Variants in KCNC4 observed in about 807,000 individuals in gnomAD.
KCNC4 encodes potassium voltage-gated channel subfamily C member 4.
KCNC4 carries 23 observed loss-of-function variants against 42.8 expected under a neutral mutation model. The ratio of observed to expected loss-of-function variants is 0.54; its 90% CI spans 0.39 to 0.76. KCNC4 has a LOEUF of 0.76. Among genes scored for constraint, KCNC4 ranks in the 30% least tolerant of loss-of-function variants. The pLI is 0.00. For missense variants in KCNC4, 751 were observed against 898.2 expected (o/e 0.84, Z 2.10); for synonymous variants, 422 against 393.5 (o/e 1.07, Z -0.86).
At chr1:110,271,590 G>T in intron 1 of KCNC4, among the ~76,000 whole-genome samples, 1 of 152,192 alleles carries the variant, frequency 6.6e-6, no homozygotes, top group South Asian at 2.1e-4. Context: ...TGTAGCCTCT[G>T]ATTACAGGGG....
intron 1 of KCNC4, among the ~76,000 whole-genome samples, chr1:110,278,604 G>A (rs747499086): frequency 4.6e-5 from 7 of 152,092 alleles, no homozygotes; most frequent in Non-Finnish European, 7.4e-5. Flanking sequence ...AAAAACCCAC[G>A]TGAACATGTA....
chr1:110,228,060 G>A (rs375883424), intron 3 of KCNC4, among the ~76,000 whole-genome samples: 27 of 152,298 alleles, frequency 1.8e-4, no homozygotes, highest in East Asian at 1.3e-3. Flanking sequence ...CTAAGCAAGC[G>A]TGGCAGTTAA....
At chr1:110,235,922 A>G (rs1292794078), downstream of KCNC4, 1 of 152,160 alleles carries the variant, frequency 6.6e-6, no homozygotes, top group Non-Finnish European at 1.5e-5. Flanking sequence ...TCATCTTTTA[A>G]ATGTAGTATC....
At position 110,222,984 on chromosome 1, in the gene KCNC4, C is replaced by G; in HGVS notation, c.699C>G (p.Leu233=). 1 of 1,613,724 alleles carries G rather than the reference C, an allele frequency of 6.2e-7. No individual in the cohort carries two copies. The highest frequency in any genetic ancestry group is 8.5e-7 in the Non-Finnish European group (1 of 1,179,638). The change falls in exon 2 of 4, where the codon CTC becomes CTG. Residue 233 remains leucine, a synonymous_variant. Transcript: ENST00000438661. ...RAARVVAFAS[L]FFILVSITTF... ...CATAGGTAGTGGCCTTTGCCTCTCTCTTCTTCATCCTGGTCTCCATCACCA... is the reference window on the plus strand; with the variant it reads ...CATAGGTAGTGGCCTTTGCCTCTCTGTTCTTCATCCTGGTCTCCATCACCA...
Position 110,211,533 on chromosome 1 carries a change from G to A in KCNC4, c.34G>A (p.Gly12Arg), listed in dbSNP as rs149102895. ...ISSVCVSSYRGRKSGNKPPSK... is the reference protein window; with the variant it reads ...ISSVCVSSYRRRKSGNKPPSK... ...CTCGGTGTGTGTCTCCTCCTACCGCGGGCGCAAGTCGGGGAACAAGCCTCC... is the reference window on the plus strand; with the variant it reads ...CTCGGTGTGTGTCTCCTCCTACCGCAGGCGCAAGTCGGGGAACAAGCCTCC... Residue 12 changes from glycine (G) to arginine (R), a missense_variant, in exon 1 of 4, where the codon GGG becomes AGG. Transcript: ENST00000438661. This position sits in a 1 kb window ranked among gnomAD's most constrained non-coding sequence, Gnocchi z 6.5. 25 of 1,613,894 alleles carry A rather than the reference G, an allele frequency of 1.5e-5. No homozygotes were observed. In the African/African-American group the frequency reaches 3.1e-4, roughly 20 times the overall value.
exon 4 of KCNC4, chr1:110,244,914 C>T (rs1353494451): frequency 2.0e-5 from 3 of 152,246 alleles, no homozygotes; most frequent in Non-Finnish European, 2.9e-5. Flanking sequence ...ATACTGCCCA[C>T]CTCAGCGGGT....
At chr1:110,260,286 T>C (rs934078146) in intron 1 of KCNC4, among the ~76,000 whole-genome samples, 1 of 152,204 alleles carries the variant, frequency 6.6e-6, no homozygotes, top group African/African-American at 2.4e-5. Context: ...TTGCAGATCT[T>C]GAAAATCCTT....
At chr1:110,247,488 G>C (rs1262442348) in exon 4 of KCNC4, 1 of 151,964 alleles carries the variant, frequency 6.6e-6, no homozygotes, top group Non-Finnish European at 1.5e-5. Context: ...GGGATTATAG[G>C]TGGGAGCCAC....
At chr1:110,225,803 C>T in intron 2 of KCNC4, 172 bp from the exon 3 acceptor site, 2 of 614,768 alleles carry the variant, frequency 3.3e-6, no homozygotes, top group East Asian at 5.5e-5. Flanking sequence ...AGTGTAGCAT[C>T]CCTGCCTTTT....
downstream of KCNC4, chr1:110,235,897 T>G (rs1658894089): frequency 6.6e-6 from 1 of 152,262 alleles, no homozygotes. Context: ...TCAGCCTCTG[T>G]GAACGTCTAT....
intron 1 of KCNC4, among the ~76,000 whole-genome samples, chr1:110,263,187 C>G (rs1442513651): frequency 6.6e-6 from 1 of 152,210 alleles, no homozygotes; most frequent in African/African-American, 2.4e-5. Context: ...TGGGGACAGC[C>G]AGCTATCCTG....
exon 4 of KCNC4, chr1:110,239,810 T>C (rs1457378663): frequency 6.6e-6 from 1 of 152,150 alleles, no homozygotes; most frequent in Non-Finnish European, 1.5e-5. Context: ...CCATAGCCCT[T>C]CCTCTCTCTT....
chr1:110,210,854 G>A lies in KCNC4; in HGVS notation c.-646G>A, dbSNP rs1232138195. ...CGGCCGCCGCTCTCTGCTCTGCCCC[G>A]CCTGCCTTCCTCGCCCGGCGCTGGA... On this transcript the variant is annotated 5_prime_UTR_variant, in exon 1 of 4. Transcript: ENST00000438661. Among the ~76,000 whole-genome samples, 1 of 152,110 alleles carries A rather than the reference G, an allele frequency of 6.6e-6. No individual in the cohort carries two copies. The highest frequency in any genetic ancestry group is 1.9e-4 in the East Asian group (1 of 5,186).
intron 3 of KCNC4, chr1:110,232,634 G>A: frequency 6.9e-7 from 1 of 1,443,052 alleles, no homozygotes; most frequent in Non-Finnish European, 9.1e-7. Context: ...TGAGTCACCA[G>A]AGTTGGGTTG....
chr1:110,223,147 T>C lies in KCNC4; in HGVS notation c.862T>C (p.Cys288Arg), dbSNP rs1219674326. 4 of 1,614,234 alleles carry C rather than the reference T, an allele frequency of 2.5e-6. No homozygotes were observed. Among genetic ancestry groups the C allele is most frequent in the African/African-American group, 1.3e-5 (1 of 75,058 alleles). ...CATCCTGACCTACATCGAGGGCGTA[T>C]GTGTGCTGTGGTTCACACTGGAGTT... ...EPILTYIEGV[C>R]VLWFTLEFLV... The change falls in exon 2 of 4, where the codon TGT becomes CGT. Residue 288 changes from cysteine (C) to arginine (R), a missense_variant. Coordinates refer to ENST00000438661, the MANE Select transcript of KCNC4 (RefSeq NM_001039574.3). The surrounding 1 kb of genome is among the most constrained non-coding windows in gnomAD (Gnocchi z 7.5).
intron 1 of KCNC4, among the ~76,000 whole-genome samples, chr1:110,274,681 C>T (rs2885146): frequency 0.29 from 44,155 of 151,974 alleles, 6,856 homozygotes; most frequent in Admixed American, 0.43. Context: ...ATCAATAGAA[C>T]AGAATTTAAA....
At position 110,223,950 on chromosome 1, in the gene KCNC4, G is replaced by A. The variant is rs778305202; in HGVS notation, c.1615+50G>A. ...AATCCCTTTTCCCCCAGTGGCCTAGGGAGTTTCCAAATGGACCTCAGACCT... is the reference window on the plus strand; with the variant it reads ...AATCCCTTTTCCCCCAGTGGCCTAGAGAGTTTCCAAATGGACCTCAGACCT... On this transcript the variant is annotated intron_variant, in intron 2 of 3. Transcript: ENST00000438661. The surrounding 1 kb of genome is among the most constrained non-coding windows in gnomAD (Gnocchi z 7.5). 2 of 1,424,874 alleles carry A rather than the reference G, an allele frequency of 1.4e-6. No homozygotes were observed. The highest frequency in any genetic ancestry group is 1.9e-6 in the Non-Finnish European group (2 of 1,045,638). The allele number at this position is 1,424,874 out of a possible 1,614,324, so 88.3% of individuals were successfully genotyped here. A position where few individuals can be genotyped will look rare whatever the true frequency, so the allele number is the denominator to read the frequency against.
chr1:110,239,975 G>A (rs1658994472), exon 4 of KCNC4: 1 of 152,234 alleles, frequency 6.6e-6, no homozygotes, highest in South Asian at 2.1e-4. Context: ...TCAGCGAAAT[G>A]TTGAAGTGAA....
exon 4 of KCNC4, chr1:110,244,609 A>G (rs940930755): frequency 3.3e-5 from 5 of 152,196 alleles, no homozygotes; most frequent in Admixed American, 3.3e-4. Context: ...CCAACACACA[A>G]TATGAAGAAC....
Sources: allele counts gnomAD v4.1 joint callset (sites outside exome capture counted in the v4.1 genomes callset), GRCh38; gene constraint gnomAD v4.1.1; non-coding constraint Gnocchi (gnomAD v3.1); transcripts MANE v1.5; gene names NCBI Gene and HGNC (gene_info 2026-07-23, HGNC 2026-07-21).